LRRC8C: variants seen among roughly 807,000 people sequenced by gnomAD.
The protein encoded by LRRC8C is volume-regulated anion channel subunit LRRC8C.
LRRC8C carries 20 observed loss-of-function variants against 55.3 expected under a neutral mutation model. The observed-to-expected ratio is 0.36, with a 90% confidence interval of 0.25 to 0.53. The LOEUF is 0.53. Among genes scored for constraint, LRRC8C ranks in the 20% least tolerant of loss-of-function variants. LRRC8C has a pLI of 0.92. For missense variants in LRRC8C, 659 were observed against 951.4 expected, an observed-to-expected ratio of 0.69 and a Z score of 4.04; for synonymous variants, 376 against 360.7, an observed-to-expected ratio of 1.04 and a Z score of -0.48.
chr1:89,665,859 C>T (rs1288420271), intron 1 of LRRC8C, among the ~76,000 whole-genome samples: 1 of 152,154 alleles, frequency 6.6e-6, no homozygotes, highest in Non-Finnish European at 1.5e-5. Context: ...ATGGTAAGTA[C>T]CCTATACAGG....
intron 1 of LRRC8C, among the ~76,000 whole-genome samples, chr1:89,670,522 G>A (rs1418464278): frequency 6.6e-6 from 1 of 152,184 alleles, no homozygotes; most frequent in South Asian, 2.1e-4. Context: ...TGCATTGTTG[G>A]AGTAGTGGTT....
intron 1 of LRRC8C, among the ~76,000 whole-genome samples, chr1:89,659,067 G>T (rs61798869): frequency 0.51 from 28,502 of 56,302 alleles, 5,022 homozygotes; most frequent in Admixed American, 0.57. Context: ...TTTTTTGTGT[G>T]TGTGTGTGTG....
At chr1:89,679,115 G>A (rs1657632325) in intron 1 of LRRC8C, among the ~76,000 whole-genome samples, 1 of 152,168 alleles carries the variant, frequency 6.6e-6, no homozygotes, top group African/African-American at 2.4e-5. Flanking sequence ...GCATTGGGAT[G>A]TTCCAAACAA....
At chr1:89,667,862 C>T (rs1184289663) in intron 1 of LRRC8C, among the ~76,000 whole-genome samples, 17 of 152,118 alleles carry the variant, frequency 1.1e-4, no homozygotes, top group African/African-American at 4.1e-4. Flanking sequence ...AAGTATTTTC[C>T]ATTTCCTGCT....
chr1:89,639,997 T>C (rs1263586541), intron 1 of LRRC8C, among the ~76,000 whole-genome samples: 2 of 152,206 alleles, frequency 1.3e-5, no homozygotes, highest in Admixed American at 1.3e-4. Context: ...GACATCAAAG[T>C]AAATCCTAGG....
At chr1:89,623,152 AC>A in the LRRC8C span, among the ~76,000 whole-genome samples, 1 of 758 alleles carries the variant, frequency 1.3e-3, no homozygotes, top group African/African-American at 7.9e-3. Context: ...ACTAACTCAG[AC>A]ACACACACAC....
At chr1:89,710,673 C>G (rs1658626197) in intron 2 of LRRC8C, among the ~76,000 whole-genome samples, 1 of 152,202 alleles carries the variant, frequency 6.6e-6, no homozygotes, top group African/African-American at 2.4e-5. Flanking sequence ...GCTTTATCTT[C>G]CCAAGACAGA....
At chr1:89,621,020 A>C in the LRRC8C span, among the ~76,000 whole-genome samples, 1 of 152,254 alleles carries the variant, frequency 6.6e-6, no homozygotes, top group African/African-American at 2.4e-5. Flanking sequence ...GAGTAGATGT[A>C]ACGTTGCAGA....
At chr1:89,703,269 A>C (rs1167994806) in intron 2 of LRRC8C, among the ~76,000 whole-genome samples, 1 of 152,212 alleles carries the variant, frequency 6.6e-6, no homozygotes, top group African/African-American at 2.4e-5. Context: ...AATATAAGCC[A>C]GGGAAAATGG....
Position 89,683,305 on chromosome 1 carries a change from A to C in LRRC8C, c.-4-3165A>C, listed in dbSNP as rs114096522. Among the ~76,000 whole-genome samples the C allele has an allele frequency of 3.2e-3, 489 of 152,268 alleles. 4 individuals are homozygous for C. Among genetic ancestry groups the C allele is most frequent in the African/African-American group, 0.01 (419 of 41,546 alleles). The stretch of plus-strand genomic sequence containing the variant: ...AAAATCATGCGTTACAAAATCATGC[A>C]TATGTTACAAAATCATGCATGTGTA... On this transcript the variant is annotated intron_variant, in intron 1 of 2. Transcript: ENST00000370454.
At chr1:89,700,502 C>A (rs1167742532) in intron 2 of LRRC8C, among the ~76,000 whole-genome samples, 1 of 152,160 alleles carries the variant, frequency 6.6e-6, no homozygotes, top group Non-Finnish European at 1.5e-5. Context: ...ACGGCAAAAA[C>A]CACAATTACT....
intron 1 of LRRC8C, chr1:89,668,052 G>C (rs144162577): frequency 2.0e-5 from 3 of 152,576 alleles, no homozygotes; most frequent in Admixed American, 2.0e-4. Context: ...AAATGTCATG[G>C]GGTAAAAGAT....
At chr1:89,641,904 G>A (rs182930905) in intron 1 of LRRC8C, among the ~76,000 whole-genome samples, 24 of 152,262 alleles carry the variant, frequency 1.6e-4, no homozygotes, top group South Asian at 1.0e-3. Flanking sequence ...AAAAGGTACC[G>A]CAAGAGGAGC....
chr1:89,635,597 CTTA>C, intron 1 of LRRC8C, among the ~76,000 whole-genome samples: 1 of 152,252 alleles, frequency 6.6e-6, no homozygotes, highest in South Asian at 2.1e-4. Context: ...TCCAAAGCTG[CTTA>C]TTTATTTTTT....
At chr1:89,703,764 A>G (rs1168177855) in intron 2 of LRRC8C, among the ~76,000 whole-genome samples, 1 of 152,052 alleles carries the variant, frequency 6.6e-6, no homozygotes, top group East Asian at 1.9e-4. Flanking sequence ...GGTGGGAAAT[A>G]GGAGATAGAG....
chr1:89,640,641 A>G (rs1656428263), intron 1 of LRRC8C, among the ~76,000 whole-genome samples: 1 of 152,216 alleles, frequency 6.6e-6, no homozygotes, highest in African/African-American at 2.4e-5. Context: ...GATACTGTCC[A>G]GCACACATAA....
At chr1:89,696,475 G>A (rs1373610423) in intron 2 of LRRC8C, among the ~76,000 whole-genome samples, 1 of 152,074 alleles carries the variant, frequency 6.6e-6, no homozygotes, top group Non-Finnish European at 1.5e-5. Context: ...AGGGGAGAGG[G>A]GAAGGGGAAG....
intron 2 of LRRC8C, among the ~76,000 whole-genome samples, chr1:89,708,223 T>C (rs1342337277): frequency 1.3e-5 from 2 of 152,002 alleles, no homozygotes; most frequent in African/African-American, 2.4e-5. Context: ...AATTGCTCCA[T>C]GTGATAATGT....
rs769574432 is a variant in LRRC8C, at chr1:89,714,408, G to A, written c.1838G>A (p.Ser613Asn). 1 of 1,614,158 alleles carries A rather than the reference G, an allele frequency of 6.2e-7. No homozygotes were observed. Among genetic ancestry groups the A allele is most frequent in the Admixed American group, 1.7e-5 (1 of 60,012 alleles). The change falls in exon 3 of 3, where the codon AGC becomes AAC. Residue 613 changes from serine (S) to asparagine (N), a missense_variant. Physicochemically the swap from Ser to Asn is conservative, Grantham distance 46. This residue lies in a region of LRRC8C where 344 missense variants were observed against 464.6 expected (regional missense o/e 0.74). Coordinates refer to ENST00000370454, the MANE Select transcript of LRRC8C (RefSeq NM_032270.5). This position sits in a 1 kb window ranked among gnomAD's most constrained non-coding sequence, Gnocchi z 4.6. ...RIPHAVFSLL[S>N]LQELDLKENN... ...CCTCATGCTGTGTTCAGCCTACTCA[G>A]CCTCCAGGAATTGGACCTGAAGGAA...
Sources: allele counts gnomAD v4.1 joint callset (sites outside exome capture counted in the v4.1 genomes callset), GRCh38; gene constraint gnomAD v4.1.1; regional missense constraint gnomAD v4.1.1; non-coding constraint Gnocchi (gnomAD v3.1); transcripts MANE v1.5; gene names NCBI Gene and HGNC (gene_info 2026-07-23, HGNC 2026-07-21).